BBS9: variants seen among roughly 807,000 people sequenced by gnomAD.
The protein encoded by BBS9 is Bardet-Biedl syndrome 9, also known as protein PTHB1.
BBS9 carries 89 observed loss-of-function variants against 117.7 expected under a neutral mutation model. The observed-to-expected ratio is 0.76, with a 90% CI of 0.64 to 0.90. The LOEUF (loss-of-function observed/expected upper bound fraction) is 0.90. Among genes scored for constraint, BBS9 ranks in the 40% least tolerant of loss-of-function variants. BBS9 has a pLI of 0.00. For synonymous variants in BBS9, 379 were observed against 370.9 expected (o/e 1.02, Z -0.25); for missense variants, 982 against 1,042.2 (o/e 0.94, Z 0.80).
At chr7:33,470,959 C>G (rs964869128) in intron 19 of BBS9, among the ~76,000 whole-genome samples, 4 of 152,142 alleles carry the variant, frequency 2.6e-5, no homozygotes, top group Non-Finnish European at 5.9e-5. Flanking sequence ...ATAGTAGATT[C>G]TATAATGCCA....
At chr7:33,210,451 C>T (rs1165449577) in intron 5 of BBS9, among the ~76,000 whole-genome samples, 1 of 152,180 alleles carries the variant, frequency 6.6e-6, no homozygotes, top group Non-Finnish European at 1.5e-5. Flanking sequence ...GAGTTCCTGT[C>T]TAGGAGATCT....
intron 1 of BBS9, among the ~76,000 whole-genome samples, chr7:33,139,064 C>G (rs756986153): frequency 4.6e-5 from 7 of 151,104 alleles, no homozygotes; most frequent in Admixed American, 4.6e-4. Context: ...ACCAGCCTGA[C>G]CAACATGGAG....
intron 5 of BBS9, among the ~76,000 whole-genome samples, chr7:33,237,844 C>A (rs1325528034): frequency 6.6e-6 from 1 of 152,152 alleles, no homozygotes; most frequent in Non-Finnish European, 1.5e-5. Context: ...ACTCTTGTGA[C>A]AATCAAGATC....
intron 9 of BBS9, among the ~76,000 whole-genome samples, chr7:33,286,422 G>A (rs1046751750): frequency 4.6e-5 from 7 of 152,016 alleles, no homozygotes; most frequent in African/African-American, 1.4e-4. Flanking sequence ...CTTTGGTCCC[G>A]GAGATCATTT....
intron 20 of BBS9, among the ~76,000 whole-genome samples, chr7:33,509,763 G>A (rs977205534): frequency 2.0e-5 from 3 of 152,138 alleles, no homozygotes; most frequent in Non-Finnish European, 4.4e-5. Context: ...ACCGTGGAGT[G>A]TTTTCTCCCT....
At chr7:33,612,972 A>G (rs1267106436) in intron 21 of BBS9, among the ~76,000 whole-genome samples, 2 of 151,412 alleles carry the variant, frequency 1.3e-5, no homozygotes, top group East Asian at 3.9e-4. Context: ...AGATCTATTC[A>G]TTCAACAGCA....
At chr7:33,505,277 A>ATT (rs3832512) in intron 19 of BBS9, among the ~76,000 whole-genome samples, 186 bp from the exon 20 acceptor site, 31 of 151,212 alleles carry the variant, frequency 2.1e-4, no homozygotes, top group Middle Eastern at 3.4e-3. Flanking sequence ...TACTGTGGGC[A>ATT]TTTTTTTTTA....
At chr7:33,347,421 G>T (rs1584434442) in intron 12 of BBS9, among the ~76,000 whole-genome samples, 1 of 151,898 alleles carries the variant, frequency 6.6e-6, no homozygotes, top group Admixed American at 6.6e-5. Flanking sequence ...AACCATCAGG[G>T]TTTTACTAAA....
intron 20 of BBS9, among the ~76,000 whole-genome samples, chr7:33,519,711 A>G (rs907834921): frequency 6.6e-6 from 1 of 152,214 alleles, no homozygotes; most frequent in Admixed American, 6.5e-5. Flanking sequence ...GGAAGAAGTC[A>G]TTTCTGAAGC....
intron 15 of BBS9, among the ~76,000 whole-genome samples, chr7:33,355,632 G>A (rs1227389585): frequency 2.0e-5 from 3 of 151,922 alleles, no homozygotes; most frequent in South Asian, 4.2e-4. Context: ...ATTCTGGAGG[G>A]GCTCTACAAA....
chr7:33,273,977 C>T (rs757434097), intron 9 of BBS9, 21 bp downstream of exon 9: 1 of 1,612,528 alleles, frequency 6.2e-7, no homozygotes, highest in South Asian at 1.1e-5. Flanking sequence ...TAATTTAACA[C>T]AGTTTTTAAA....
chr7:33,521,886 TCCCTCCC>T (rs1341724856), intron 20 of BBS9, among the ~76,000 whole-genome samples: 1 of 116,406 alleles, frequency 8.6e-6, no homozygotes, highest in African/African-American at 3.3e-5. Flanking sequence ...CCCAATGCTA[TCCCTCCC>T]CCCTCCCCCC....
At chr7:33,298,130 C>A (rs1805639374) in intron 9 of BBS9, among the ~76,000 whole-genome samples, 1 of 151,902 alleles carries the variant, frequency 6.6e-6, no homozygotes, top group Admixed American at 6.6e-5. Context: ...GGAATATTTT[C>A]ATTTTTTTTC....
chr7:33,339,913 A>T (rs1484629348), intron 10 of BBS9, among the ~76,000 whole-genome samples: 1 of 152,030 alleles, frequency 6.6e-6, no homozygotes, highest in Non-Finnish European at 1.5e-5. Flanking sequence ...TTAGGGTTCC[A>T]ATACACAGAG....
chr7:33,467,499 A>T (rs1584931688), intron 19 of BBS9, among the ~76,000 whole-genome samples: 4 of 151,846 alleles, frequency 2.6e-5, no homozygotes, highest in African/African-American at 7.3e-5. Flanking sequence ...ACTTTGACCT[A>T]ATTGGCCTGT....
intron 19 of BBS9, among the ~76,000 whole-genome samples, chr7:33,489,382 G>A (rs1436557172): frequency 7.3e-6 from 1 of 136,804 alleles, no homozygotes; most frequent in African/African-American, 2.7e-5. Flanking sequence ...CCAGTAGGTA[G>A]AAGGAAAACT....
At chr7:33,452,014 A>G (rs565092995) in intron 19 of BBS9, among the ~76,000 whole-genome samples, 49 of 152,028 alleles carry the variant, frequency 3.2e-4, no homozygotes, top group Admixed American at 2.4e-3. Flanking sequence ...TTGTATTTTT[A>G]GTAGAGAGGG....
chr7:33,616,369 AG>A (rs1370591717), intron 21 of BBS9, among the ~76,000 whole-genome samples: 1 of 150,640 alleles, frequency 6.6e-6, no homozygotes, highest in Non-Finnish European at 1.5e-5. Context: ...CTTATGAAAA[AG>A]TATAGTGTTA....
chr7:33,392,035 T>C (rs963930862), intron 19 of BBS9, among the ~76,000 whole-genome samples: 2 of 152,184 alleles, frequency 1.3e-5, no homozygotes, highest in African/African-American at 4.8e-5. Flanking sequence ...AAATGTACTT[T>C]TTTCACTCCA....
Sources: gnomAD v4.1 joint callset for allele counts (sites outside exome capture counted in the v4.1 genomes callset) on GRCh38, gnomAD v4.1.1 for gene constraint, MANE v1.5 for transcripts, NCBI Gene and HGNC (gene_info 2026-07-23, HGNC 2026-07-21) for gene names.